VAV3: variants seen among roughly 807,000 people sequenced by gnomAD.
The protein encoded by VAV3 is guanine nucleotide exchange factor VAV3.
A neutral mutation model predicts 131.2 loss-of-function variants in VAV3; 94 were observed. That is an observed-to-expected ratio of 0.72 (90% CI 0.61 to 0.85). The LOEUF (loss-of-function observed/expected upper bound fraction) is 0.85, where lower values mean the gene tolerates loss of function less well. Among genes scored for constraint, VAV3 ranks in the 40% least tolerant of loss-of-function variants. The pLI is 0.00. For synonymous variants in VAV3, 349 were observed against 342.0 expected, an observed-to-expected ratio of 1.02 and a Z score of -0.22; for missense variants, 939 against 1,002.7, an observed-to-expected ratio of 0.94 and a Z score of 0.86.
chr1:107,757,572 C>T (rs1664182265), intron 10 of VAV3, among the ~76,000 whole-genome samples: 1 of 152,128 alleles, frequency 6.6e-6, no homozygotes, highest in Non-Finnish European at 1.5e-5. Context: ...ATTCTATCCA[C>T]CACCATTACA....
At chr1:107,947,487 C>G (rs1674325128) in intron 1 of VAV3, among the ~76,000 whole-genome samples, 1 of 152,082 alleles carries the variant, frequency 6.6e-6, no homozygotes, top group Non-Finnish European at 1.5e-5. Context: ...ACATGATTAC[C>G]AACTGTCCAC....
At chr1:107,707,660 A>G (rs4503375) in intron 15 of VAV3, among the ~76,000 whole-genome samples, 31,541 of 152,106 alleles carry the variant, frequency 0.21, 3,713 homozygotes, top group East Asian at 0.43. Context: ...CTAGGAATCC[A>G]TATGTAATTA....
In VAV3 at chr1:107,897,772, T is replaced by C. The variant is rs549033988; in HGVS notation, c.205-22755A>G. On this transcript the variant is annotated intron_variant, in intron 1 of 26. Transcript: ENST00000370056. ...ATTCTGAGATTATACTCTTCCTTCA[T>C]GTATGGTGCTAGAATCGGTCCTCTC... is the stretch of plus-strand genomic sequence containing the variant. Among the ~76,000 whole-genome samples, 3 of 152,256 alleles carry C rather than the reference T, an allele frequency of 2.0e-5. No homozygotes were observed. In the South Asian group the frequency reaches 6.2e-4, roughly 32 times the overall value.
intron 1 of VAV3, among the ~76,000 whole-genome samples, chr1:107,958,749 G>A (rs113689566): frequency 0.11 from 16,933 of 152,026 alleles, 1,765 homozygotes; most frequent in African/African-American, 0.28. Context: ...TCTACGTTAG[G>A]TATTTCTCAT....
At chr1:107,821,047 T>C (rs1570999165) in intron 2 of VAV3, among the ~76,000 whole-genome samples, 3 of 152,022 alleles carry the variant, frequency 2.0e-5, no homozygotes, top group Non-Finnish European at 4.4e-5. Flanking sequence ...TCTGGAAAAA[T>C]ACAATATAAA....
At chr1:107,779,980 C>G (rs1483493704) in intron 2 of VAV3, among the ~76,000 whole-genome samples, 3 of 152,204 alleles carry the variant, frequency 2.0e-5, no homozygotes, top group African/African-American at 7.2e-5. Context: ...ATGAACTACA[C>G]AGTTATCAAA....
intron 12 of VAV3, among the ~76,000 whole-genome samples, chr1:107,753,549 T>TATATATATATATATACACACACACACAC (rs771773884): frequency 2.4e-5 from 2 of 82,050 alleles, no homozygotes; most frequent in Non-Finnish European, 5.1e-5. Context: ...TATATATATA[T>TATATATATATATATACACACACACACAC]ACACACACAC....
intron 16 of VAV3, 95 bp from the exon 17 acceptor site, chr1:107,704,745 C>T (rs1448036518): frequency 6.4e-6 from 7 of 1,092,926 alleles, no homozygotes; most frequent in African/African-American, 6.3e-5. Flanking sequence ...ATCAACAGTG[C>T]TCTTCAAGGT....
At chr1:107,622,250 A>G (rs1653663203) in intron 20 of VAV3, among the ~76,000 whole-genome samples, 1 of 152,122 alleles carries the variant, frequency 6.6e-6, no homozygotes, top group Non-Finnish European at 1.5e-5. Flanking sequence ...ATTTTTCTTC[A>G]ATAAGAATCC....
At chr1:107,882,466 A>G (rs1412652) in intron 1 of VAV3, among the ~76,000 whole-genome samples, 40,555 of 152,084 alleles carry the variant, frequency 0.27, 5,889 homozygotes, top group Non-Finnish European at 0.33. Context: ...ATTAAGGTAC[A>G]AGAAGAATTC....
chr1:107,895,440 ACT>A, intron 1 of VAV3, among the ~76,000 whole-genome samples: 1 of 152,210 alleles, frequency 6.6e-6, no homozygotes, highest in South Asian at 2.1e-4. Context: ...TCTGTCAGAC[ACT>A]ATCCTAAGCA....
At chr1:107,590,385 A>T (rs1217984862) in intron 25 of VAV3, among the ~76,000 whole-genome samples, 1 of 152,202 alleles carries the variant, frequency 6.6e-6, no homozygotes, top group Non-Finnish European at 1.5e-5. Context: ...TACAATTGAG[A>T]ATGACAAGCA....
Position 107,740,117 on chromosome 1 carries a change from T to A in VAV3, c.1502+8851A>T, listed in dbSNP as rs1662921873. On this transcript the variant is annotated intron_variant, in intron 15 of 26. Transcript: ENST00000370056. ...GCCTGGCCAACATGGCAAAACCCTG[T>A]CTCTACTAAAAATACAAAAATTACC... 2.0e-5 allele frequency among the ~76,000 whole-genome samples: 3 copies of A among 152,122 alleles called. No individual in the cohort carries two copies. The South Asian group carries it at 6.2e-4, about 32-fold the overall frequency.
At chr1:107,620,659 G>A (rs1390347364) in intron 20 of VAV3, among the ~76,000 whole-genome samples, 2 of 152,002 alleles carry the variant, frequency 1.3e-5, no homozygotes, top group African/African-American at 4.8e-5. Context: ...TGTTTCTATA[G>A]GAAAATATTC....
rs1160396518 is a variant in VAV3 at position 107,630,942 on chromosome 1, C to T, written c.1914+11677G>A. Among the ~76,000 whole-genome samples the T allele has an allele frequency of 2.6e-5, 4 of 152,160 alleles. No individual in the cohort carries two copies. The East Asian group carries it at 7.7e-4, about 29-fold the overall frequency. The stretch of plus-strand genomic sequence containing the variant: ...ATTCAACCCAGTTTCCTACATGTAC[C>T]TTCCATATGTCCAGTCTATGAAACA... On this transcript the variant is annotated intron_variant, in intron 20 of 26. Transcript: ENST00000370056.
intron 2 of VAV3, among the ~76,000 whole-genome samples, chr1:107,794,853 G>T (rs1666462744): frequency 6.6e-6 from 1 of 152,206 alleles, no homozygotes; most frequent in Non-Finnish European, 1.5e-5. Flanking sequence ...CCTCTCAAAG[G>T]ATGTAGATAA....
intron 1 of VAV3, among the ~76,000 whole-genome samples, chr1:107,918,419 C>G (rs1300957522): frequency 2.0e-5 from 3 of 152,076 alleles, no homozygotes; most frequent in Non-Finnish European, 4.4e-5. Context: ...TTAACTCTCT[C>G]AGAGTATTTA....
At chr1:107,935,607 A>T (rs1673668964) in intron 1 of VAV3, among the ~76,000 whole-genome samples, 1 of 152,212 alleles carries the variant, frequency 6.6e-6, no homozygotes, top group Admixed American at 6.5e-5. Flanking sequence ...CATTGCAGTT[A>T]CAGAAATGAG....
rs117881010 is a variant in VAV3 at position 107,899,345 on chromosome 1, C to T, written c.205-24328G>A. Among the ~76,000 whole-genome samples, 14 of 152,304 alleles carry T rather than the reference C, an allele frequency of 9.2e-5. No homozygotes were observed. The East Asian group carries it at 2.5e-3, about 27-fold the overall frequency. ...GGCCATCCAATCATCTCATTCACTG[C>T]ATGTCATTTTTGAGCACTTATTAGG... On this transcript the variant is annotated intron_variant, in intron 1 of 26. Transcript: ENST00000370056.
Sources: allele counts gnomAD v4.1 joint callset (sites outside exome capture counted in the v4.1 genomes callset), GRCh38; gene constraint gnomAD v4.1.1; transcripts MANE v1.5; gene names NCBI Gene and HGNC (gene_info 2026-07-23, HGNC 2026-07-21).